BAHCC1: variants seen among roughly 807,000 people sequenced by gnomAD.
BAHCC1 encodes the protein BAH domain and coiled-coil containing 1.
In BAHCC1, 43 loss-of-function variants were observed where a neutral mutation model predicts 88.2. The observed-to-expected ratio is 0.49, with a 90% confidence interval of 0.38 to 0.63. BAHCC1 has a LOEUF of 0.63. Ranked by LOEUF, BAHCC1 falls within the 20% of genes least tolerant of loss-of-function variation. BAHCC1 has a pLI of 0.00. For synonymous variants in BAHCC1, 1,510 were observed against 745.5 expected (o/e 2.03, Z -16.71); for missense variants, 3,023 against 1,654.8 (o/e 1.83, Z -14.34).
intron 2 of BAHCC1, among the ~76,000 whole-genome samples, chr17:81,423,550 G>A (rs1274410497): frequency 6.6e-6 from 1 of 152,116 alleles, no homozygotes; most frequent in Non-Finnish European, 1.5e-5. Flanking sequence ...CCTCTTTCCC[G>A]AGGGGGCAGG....
Position 81,399,277 on chromosome 17 carries a change from C to T in BAHCC1, c.-206-257C>T, listed in dbSNP as rs1159431402. ...CGAGAACGGGAGGCGGCGAGCAGTG[C>T]GGCTGGGTTCCCCCGGCTGCCCCGG... is the stretch of plus-strand genomic sequence containing the variant. On this transcript the variant is annotated intron_variant, in intron 1 of 27. Coordinates refer to ENST00000675386, the MANE Select transcript of BAHCC1 (RefSeq NM_001377448.1). This position sits in a 1 kb window ranked among gnomAD's most constrained non-coding sequence, Gnocchi z 4.5. 9.0e-5 allele frequency: 32 copies of T among 354,820 alleles called. No individual in the cohort carries two copies. The highest frequency in any genetic ancestry group is 2.2e-5 in the African/African-American group (1 of 44,490). The allele number at this position is 354,820 out of a possible 1,614,324, so 22.0% of individuals were successfully genotyped here.
At chr17:81,441,389 G>A (rs540032571) in intron 4 of BAHCC1, among the ~76,000 whole-genome samples, 118 of 152,306 alleles carry the variant, frequency 7.7e-4, no homozygotes, top group Non-Finnish European at 9.0e-4. Flanking sequence ...CCAGCCCGGC[G>A]CTGTGGCTCA....
At chr17:81,421,658 G>A (rs980085245) in intron 2 of BAHCC1, among the ~76,000 whole-genome samples, 4 of 152,232 alleles carry the variant, frequency 2.6e-5, no homozygotes, top group African/African-American at 4.8e-5. Context: ...GCCCCCAGCC[G>A]TGTGCAGGGC....
At position 81,434,837 on chromosome 17, in the gene BAHCC1, G is replaced by C. The variant is rs578132419; in HGVS notation, c.359-3533G>C. ...GGGCAGGGCCTCGACGTGCGGGGCT[G>C]TTGGGAAAATGTGCTGTGTCAGAAC... On this transcript the variant is annotated intron_variant, in intron 3 of 27. Coordinates refer to ENST00000675386, the MANE Select transcript of BAHCC1 (RefSeq NM_001377448.1). The surrounding 1 kb of genome is among the most constrained non-coding windows in gnomAD (Gnocchi z 4.9). Among the ~76,000 whole-genome samples, 1 of 152,222 alleles carries C rather than the reference G, an allele frequency of 6.6e-6. No individual in the cohort carries two copies. Among genetic ancestry groups the C allele is most frequent in the East Asian group, 1.9e-4 (1 of 5,164 alleles).
At chr17:81,396,120 G>A (rs1319788671) in intron 1 of BAHCC1, 1 of 152,224 alleles carries the variant, frequency 6.6e-6, no homozygotes, top group Non-Finnish European at 1.5e-5. Context: ...CCCCTCCCCG[G>A]AACAGTCCTG....
intron 17 of BAHCC1, 104 bp downstream of exon 17, chr17:81,457,696 A>G (rs1190819148): frequency 4.4e-5 from 14 of 318,384 alleles, no homozygotes; most frequent in African/African-American, 1.1e-4. Context: ...ACCAGGAGGG[A>G]GGGCAGGGTT....
chr17:81,456,999 T>A (rs1172165971), intron 16 of BAHCC1, among the ~76,000 whole-genome samples: 1 of 151,930 alleles, frequency 6.6e-6, no homozygotes, highest in African/African-American at 2.4e-5. Context: ...AAATAGAAGC[T>A]TCCTTTCTTC....
At chr17:81,445,314 G>C (rs1217028478) in intron 9 of BAHCC1, 40 bp from the exon 10 acceptor site, 11 of 746,918 alleles carry the variant, frequency 1.5e-5, no homozygotes, top group Admixed American at 7.4e-5. Context: ...TGGGGTCAGG[G>C]GATCCTGAGC....
At chr17:81,439,580 T>G (rs2064383360) in intron 4 of BAHCC1, among the ~76,000 whole-genome samples, 3 of 149,594 alleles carry the variant, frequency 2.0e-5, no homozygotes, top group Admixed American at 2.0e-4. Context: ...ACTGGGAGGT[T>G]GTCCCGACTG....
At chr17:81,398,772 CGGGCCTCCG>C (rs34134285) in intron 1 of BAHCC1, among the ~76,000 whole-genome samples, 48,416 of 151,504 alleles carry the variant, frequency 0.32, 8,793 homozygotes, top group East Asian at 0.84. Flanking sequence ...GTGGCGGTTG[CGGGCCTCCG>C]GGGCTCTGAG....
At chr17:81,441,643 CA>C (rs2064417614) in intron 4 of BAHCC1, among the ~76,000 whole-genome samples, 187 bp from the exon 5 acceptor site, 1 of 124,876 alleles carries the variant, frequency 8.0e-6, no homozygotes, top group Non-Finnish European at 1.6e-5. Context: ...GCCTGGGCGA[CA>C]GAGGGCAGAG....
In BAHCC1 at chr17:81,444,542, C is replaced by T. The variant is rs1555653759; in HGVS notation, c.2486C>T (p.Ser829Phe). ...TGGCTGCCCCGCACCCGCAGCCCCTCCCTGTGGATGGGGGGGCACTCCTAC... is the reference window on the plus strand; with the variant it reads ...TGGCTGCCCCGCACCCGCAGCCCCTTCCTGTGGATGGGGGGGCACTCCTAC... ...PPWLPRTRSPSLWMGGHSYGL... is the reference protein window; with the variant it reads ...PPWLPRTRSPFLWMGGHSYGL... The change falls in exon 7 of 28, where the codon TCC becomes TTC. Residue 829 changes from serine (S) to phenylalanine (F), a missense_variant. Physicochemically the swap from Ser to Phe is radical, Grantham distance 155. Transcript: ENST00000675386. 1 of 714,336 alleles carries T rather than the reference C, an allele frequency of 1.4e-6. No individual in the cohort carries two copies. The highest frequency in any genetic ancestry group is 2.6e-6 in the Non-Finnish European group (1 of 390,680). 44.2% of individuals were successfully genotyped at this position (714,336 alleles called of 1,614,324 possible).
chr17:81,444,044 TG>T, intron 6 of BAHCC1, 127 bp downstream of exon 6: 1 of 639,244 alleles, frequency 1.6e-6, no homozygotes, highest in Non-Finnish European at 2.8e-6. Context: ...CGGCCGTGGG[TG>T]GGGTTCTCCC....
rs11655840 is a variant in BAHCC1, at chr17:81,410,164, G to A, written c.178+10247G>A. 1,653 of 242,388 alleles carry A rather than the reference G, an allele frequency of 6.8e-3. 19 individuals are homozygous for A. The highest frequency in any genetic ancestry group is 7.7e-3 in the Non-Finnish European group (861 of 111,404). 15.0% of individuals were successfully genotyped at this position (242,388 alleles called of 1,614,324 possible). A position where few individuals can be genotyped will look rare whatever the true frequency, so the allele number is the denominator to read the frequency against. ...CACTGTGGCCGTCCGTGTCACCTGT[G>A]GGGGTCCTAGGAGCCTGCACGAGCT... is the stretch of plus-strand genomic sequence containing the variant. On this transcript the variant is annotated intron_variant, in intron 2 of 27. Coordinates refer to ENST00000675386, the MANE Select transcript of BAHCC1 (RefSeq NM_001377448.1).
chr17:81,432,336 A>G (rs1158536091), intron 3 of BAHCC1, among the ~76,000 whole-genome samples: 1 of 151,962 alleles, frequency 6.6e-6, no homozygotes, highest in Non-Finnish European at 1.5e-5. Flanking sequence ...ACAATGACCT[A>G]TGTGTCAAGG....
rs1555652811 is a variant in BAHCC1 at position 81,442,411 on chromosome 17, C to A, written c.1062C>A (p.Pro354=). Reference sequence around the variant, plus strand: ...ACACCGCATCCTACGCCGGGCCACCCCCGCCCCTCAGCACAGCCGCCGGCT... The same window carrying A: ...ACACCGCATCCTACGCCGGGCCACCACCGCCCCTCAGCACAGCCGCCGGCT... ...LHHTASYAGP[P]PPLSTAAGSF... is the part of the protein sequence containing the mutation. The change falls in exon 5 of 28, where the codon CCC becomes CCA. Residue 354 remains proline, a synonymous_variant. Coordinates refer to ENST00000675386, the MANE Select transcript of BAHCC1 (RefSeq NM_001377448.1). 1.4e-6 allele frequency: 1 copy of A among 696,398 alleles called. No individual in the cohort carries two copies. Among genetic ancestry groups the A allele is most frequent in the Non-Finnish European group, 2.7e-6 (1 of 376,582 alleles). 43.1% of individuals were successfully genotyped at this position (696,398 alleles called of 1,614,324 possible).
chr17:81,420,102 C>T (rs1056547737), intron 2 of BAHCC1, among the ~76,000 whole-genome samples: 1 of 152,174 alleles, frequency 6.6e-6, no homozygotes, highest in African/African-American at 2.4e-5. Flanking sequence ...GCTGCTGGAC[C>T]GACCCTTACA....
At chr17:81,459,849 T>G (rs2030087928) in intron 23 of BAHCC1, among the ~76,000 whole-genome samples, 1 of 151,992 alleles carries the variant, frequency 6.6e-6, no homozygotes, top group South Asian at 2.1e-4. Context: ...CCCTGAGCAC[T>G]GCTGCTGGGG....
At chr17:81,444,089 G>A (rs1292435859) in intron 6 of BAHCC1, 172 bp downstream of exon 6, 3 of 608,278 alleles carry the variant, frequency 4.9e-6, no homozygotes, top group Non-Finnish European at 8.8e-6. Context: ...CTCACCCGGG[G>A]TTGGGGGTCT....
Sources: allele counts gnomAD v4.1 joint callset (sites outside exome capture counted in the v4.1 genomes callset), GRCh38; gene constraint gnomAD v4.1.1; non-coding constraint Gnocchi (gnomAD v3.1); transcripts MANE v1.5; gene names NCBI Gene and HGNC (gene_info 2026-07-23, HGNC 2026-07-21).